PCM1: variants seen among roughly 807,000 people sequenced by gnomAD.
PCM1 encodes the protein pericentriolar material 1 protein.
PCM1 carries 157 observed loss-of-function variants against 241.9 expected under a neutral mutation model. The observed-to-expected ratio is 0.65, with a 90% confidence interval of 0.57 to 0.74. The LOEUF is 0.74. Among genes scored for constraint, PCM1 ranks in the 30% least tolerant of loss-of-function variants. The pLI is 0.00. For synonymous variants in PCM1, 1,085 were observed against 784.9 expected, an observed-to-expected ratio of 1.38 and a Z score of -6.39; for missense variants, 3,478 against 2,360.1, an observed-to-expected ratio of 1.47 and a Z score of -9.81.
chr8:17,993,350 C>A, intron 28 of PCM1, 133 bp from the exon 29 acceptor site: 1 of 538,862 alleles, frequency 1.9e-6, no homozygotes, highest in Non-Finnish European at 3.0e-6. Context: ...GGTGCTTAAA[C>A]TACAAACATG....
Position 17,989,942 on chromosome 8 carries a change from A to G in PCM1, c.4494A>G (p.Val1498=), listed in dbSNP as rs984152263. 4.5e-6 allele frequency: 7 copies of G among 1,540,134 alleles called. No homozygotes were observed. The African/African-American group carries it at 5.5e-5, about 12-fold the overall frequency. The change falls in exon 27 of 39, where the codon GTA becomes GTG. Residue 1498 remains valine, a synonymous_variant. Transcript: ENST00000325083. ...NDADNASVLS[V]SSNFEPFATD... ...CTGATAATGCTAGTGTCCTGTCTGT[A>G]TCATCAAATTTTGAGCCTTTTGCAA...
intron 7 of PCM1, 84 bp from the exon 8 acceptor site, chr8:17,950,527 CTTTT>C: frequency 1.4e-6 from 1 of 711,538 alleles, no homozygotes; most frequent in Non-Finnish European, 2.4e-6. Flanking sequence ...TTTTTAAATT[CTTTT>C]TTTAAATTTA....
At chr8:17,999,020 C>T (rs1451793056) in intron 29 of PCM1, among the ~76,000 whole-genome samples, 2 of 152,054 alleles carry the variant, frequency 1.3e-5, no homozygotes, top group Non-Finnish European at 2.9e-5. Context: ...TGAATGCTGC[C>T]AGGCCTGGGA....
intron 22 of PCM1, among the ~76,000 whole-genome samples, chr8:17,971,330 A>G (rs1383462563): frequency 1.3e-5 from 2 of 152,178 alleles, no homozygotes; most frequent in African/African-American, 2.4e-5. Context: ...TGTTCACGCT[A>G]GGTTCTGTGA....
chr8:17,973,039 A>G (rs929545470), intron 23 of PCM1, among the ~76,000 whole-genome samples: 2 of 151,994 alleles, frequency 1.3e-5, no homozygotes, highest in African/African-American at 4.8e-5. Context: ...CATGACTTTT[A>G]GATGGATTCT....
intron 1 of PCM1, among the ~76,000 whole-genome samples, chr8:17,923,696 G>C (rs1343723083): frequency 2.6e-5 from 4 of 152,186 alleles, no homozygotes; most frequent in African/African-American, 9.7e-5. Context: ...AAGAGTTGCA[G>C]TTGGGCTGTG....
chr8:17,936,156 C>G (rs900705983), intron 3 of PCM1, among the ~76,000 whole-genome samples: 5 of 152,156 alleles, frequency 3.3e-5, no homozygotes, highest in East Asian at 1.9e-4. Flanking sequence ...CAGTTATGTA[C>G]TGACTAGTTA....
chr8:17,968,006 A>G (rs967099623), intron 21 of PCM1, among the ~76,000 whole-genome samples: 1 of 151,910 alleles, frequency 6.6e-6, no homozygotes, highest in East Asian at 1.9e-4. Context: ...CACGGGTGCC[A>G]TAACAGTAGT....
intron 23 of PCM1, chr8:17,980,385 G>T: frequency 2.5e-6 from 1 of 407,610 alleles, no homozygotes; most frequent in Non-Finnish European, 4.3e-6. Context: ...GAACAGTGAA[G>T]GTTAGATTTA....
At chr8:18,013,878 T>G in intron 34 of PCM1, 86 bp from the exon 35 acceptor site, 2 of 765,706 alleles carry the variant, frequency 2.6e-6, no homozygotes, top group Non-Finnish European at 4.2e-6. Context: ...GGTCTTGGGT[T>G]GGACAAAAAC....
At chr8:17,962,659 G>A (rs1191484285) in intron 16 of PCM1, among the ~76,000 whole-genome samples, 1 of 152,046 alleles carries the variant, frequency 6.6e-6, no homozygotes, top group Non-Finnish European at 1.5e-5. Flanking sequence ...CCAGCACTTT[G>A]GGAGGCTGAG....
rs144184797 is a variant in PCM1, at chr8:18,025,211, A to G, written c.5842-150A>G. 131 of 371,720 alleles carry G rather than the reference A, an allele frequency of 3.5e-4. No individual in the cohort carries two copies. The South Asian group carries it at 3.7e-3, about 10-fold the overall frequency. The allele number at this position is 371,720 out of a possible 1,614,324, so 23.0% of individuals were successfully genotyped here. On this transcript the variant is annotated intron_variant, in intron 36 of 38. Transcript: ENST00000325083. ...CACAGCTGTGATTGTAGCTTTTCCT[A>G]TGAACTGCATATTTCTAAATTATTC...
In PCM1 at chr8:17,940,127, T is replaced by C. The variant is rs769584476; in HGVS notation, c.783+266T>C. On this transcript the variant is annotated intron_variant, in intron 6 of 38. Transcript: ENST00000325083. ...GTAGCTGAGAGCACATCGCTAAACA[T>C]AGATGTGCAGTCTGAGGCTTCAGAT... 7.7e-6 allele frequency: 12 copies of C among 1,562,364 alleles called. No individual in the cohort carries two copies. The Admixed American group carries it at 1.4e-4, about 19-fold the overall frequency.
chr8:18,005,566 G>A (rs1003045888), intron 29 of PCM1, among the ~76,000 whole-genome samples: 7 of 152,114 alleles, frequency 4.6e-5, no homozygotes, highest in African/African-American at 1.7e-4. Context: ...ACTTGATATC[G>A]ATGATTTATG....
At chr8:18,018,891 TACA>T (rs1417522027) in intron 36 of PCM1, among the ~76,000 whole-genome samples, 1,849 of 82,468 alleles carry the variant, frequency 0.022, 50 homozygotes, top group Non-Finnish European at 0.034. Flanking sequence ...CACACACATA[TACA>T]TACACATATA....
chr8:17,997,788 G>A (rs1270200681), intron 29 of PCM1, among the ~76,000 whole-genome samples: 1 of 151,828 alleles, frequency 6.6e-6, no homozygotes, highest in East Asian at 1.9e-4. Context: ...CACTTTGGGA[G>A]GCTGGGGCGG....
At chr8:17,952,154 C>T (rs1012416459) in intron 8 of PCM1, among the ~76,000 whole-genome samples, 6 of 151,736 alleles carry the variant, frequency 4.0e-5, no homozygotes, top group East Asian at 1.9e-4. Flanking sequence ...ACCCAGGAGG[C>T]GGAGGTTTCA....
chr8:17,975,316 A>G (rs948765640), intron 23 of PCM1, among the ~76,000 whole-genome samples: 3 of 152,076 alleles, frequency 2.0e-5, no homozygotes, highest in African/African-American at 7.2e-5. Context: ...GGCATGTGCC[A>G]CCACACCCGG....
chr8:17,964,122 A>G (rs531843462), intron 17 of PCM1, among the ~76,000 whole-genome samples: 6 of 152,318 alleles, frequency 3.9e-5, no homozygotes, highest in East Asian at 1.9e-4. Flanking sequence ...TTAAATTTCA[A>G]TCAAATGAAA....
Sources: gnomAD v4.1 joint callset for allele counts (sites outside exome capture counted in the v4.1 genomes callset) on GRCh38, gnomAD v4.1.1 for gene constraint, MANE v1.5 for transcripts, NCBI Gene and HGNC (gene_info 2026-07-23, HGNC 2026-07-21) for gene names.